Variants in TIMM23 observed in about 807,000 individuals in gnomAD.
TIMM23 encodes the protein translocase of inner mitochondrial membrane 23, also known as mitochondrial import inner membrane translocase subunit Tim23.
In TIMM23, 19 loss-of-function variants were observed where a neutral mutation model predicts 30.7. That is an observed-to-expected ratio of 0.62 (90% confidence interval 0.43 to 0.91). TIMM23 has a LOEUF of 0.91. Ranked by LOEUF, TIMM23 falls within the 40% of genes least tolerant of loss-of-function variation. The probability of loss-of-function intolerance (pLI) is 0.00; values close to 1 mark genes in which losing one functional copy is unlikely to be tolerated. For missense variants in TIMM23, 202 were observed against 269.2 expected (o/e 0.75, Z 1.75); for synonymous variants, 78 against 98.5 (o/e 0.79, Z 1.23).
At chr10:46,000,146 T>G (rs911882958) in intron 6 of TIMM23, among the ~76,000 whole-genome samples, 4 of 152,214 alleles carry the variant, frequency 2.6e-5, no homozygotes, top group African/African-American at 9.6e-5. Flanking sequence ...TGAGACGACA[T>G]ACATCTTCCT....
chr10:45,998,288 AC>A (rs1215843522), intron 6 of TIMM23: 8 of 731,900 alleles, frequency 1.1e-5, no homozygotes, highest in African/African-American at 1.9e-5. Context: ...CCTATATCCC[AC>A]AAACAAGGCA....
intron 2 of TIMM23, among the ~76,000 whole-genome samples, chr10:45,975,953 C>G (rs1590109435): frequency 6.6e-6 from 1 of 152,166 alleles, no homozygotes; most frequent in African/African-American, 2.4e-5. Context: ...AGGCGCCCAC[C>G]ACCACGCCTG....
In TIMM23 at chr10:45,998,436, G is replaced by C. The variant is rs1838413699; in HGVS notation, c.515-4767G>C. On this transcript the variant is annotated intron_variant, in intron 6 of 6. Transcript: ENST00000580018. ...AGTCATATTTGCTTTGCTTTATAGA[G>C]ATTGACCATTGGCCTTATTTGGTTA... The C allele has an allele frequency of 3.1e-6, 3 of 974,586 alleles. No homozygotes were observed. In the East Asian group the frequency reaches 3.4e-4, roughly 111 times the overall value. The allele number at this position is 974,586 out of a possible 1,614,324, so 60.4% of individuals were successfully genotyped here. A position where few individuals can be genotyped will look rare whatever the true frequency, so the allele number is the denominator to read the frequency against.
At position 45,988,854 on chromosome 10, in the gene TIMM23, A is replaced by C. The variant is rs1838073868; in HGVS notation, c.514+7A>C. 1 of 1,610,314 alleles carries C rather than the reference A, an allele frequency of 6.2e-7. No homozygotes were observed. Among genetic ancestry groups the C allele is most frequent in the Non-Finnish European group, 8.5e-7 (1 of 1,176,578 alleles). On this transcript the variant is annotated splice_region_variant and intron_variant, in intron 6 of 6. Coordinates refer to ENST00000580018, the MANE Select transcript of TIMM23 (RefSeq NM_006327.4). Reference sequence around the variant, plus strand: ...ATGTTGTATAAATGTACAGGTGAGTACTGTTGAATGGGGAGCCATCTCTTA... The same window carrying C: ...ATGTTGTATAAATGTACAGGTGAGTCCTGTTGAATGGGGAGCCATCTCTTA...
intron 6 of TIMM23, chr10:45,998,380 C>T (rs1259280802): frequency 2.0e-6 from 2 of 985,140 alleles, no homozygotes; most frequent in African/African-American, 3.5e-5. Flanking sequence ...ACATAAGGAT[C>T]CCAAAATACA....
intron 6 of TIMM23, among the ~76,000 whole-genome samples, chr10:46,002,962 A>G (rs747434444): frequency 3.9e-5 from 6 of 151,986 alleles, no homozygotes; most frequent in Non-Finnish European, 7.4e-5. Flanking sequence ...AGCTGGGACT[A>G]TAAGCACACA....
chr10:46,002,418 C>G (rs1267295772), intron 6 of TIMM23: 1 of 676,746 alleles, frequency 1.5e-6, no homozygotes, highest in East Asian at 1.3e-4. Context: ...TCAAGCCTGC[C>G]TCAGCCTCCC....
intron 6 of TIMM23, among the ~76,000 whole-genome samples, chr10:45,993,300 C>CAATG (rs2132273411): frequency 6.8e-6 from 1 of 146,288 alleles, no homozygotes; most frequent in East Asian, 2.0e-4. Flanking sequence ...GACTGGAGTG[C>CAATG]AATGGCATGA....
In TIMM23 at chr10:45,997,315, T is replaced by C. The variant is rs587772050; in HGVS notation, c.515-5888T>C. ...ACATGGATGAACTCTGAGTACATTA[T>C]GCTAAATAGGCCATCTATAAAAAAA... On this transcript the variant is annotated intron_variant, in intron 6 of 6. Transcript: ENST00000580018. Among the ~76,000 whole-genome samples the C allele has an allele frequency of 6.4e-5, 6 of 93,680 alleles. No homozygotes were observed. The South Asian group carries it at 2.6e-3, about 41-fold the overall frequency. 61.5% of individuals were successfully genotyped at this position (93,680 alleles called of 152,430 possible). A position where few individuals can be genotyped will look rare whatever the true frequency, so the allele number is the denominator to read the frequency against.
At chr10:45,987,122 G>A (rs1448236707) in intron 5 of TIMM23, among the ~76,000 whole-genome samples, 1 of 151,780 alleles carries the variant, frequency 6.6e-6, no homozygotes, top group East Asian at 1.9e-4. Context: ...CTCTTGATGG[G>A]CATTTTATTT....
chr10:45,975,035 ACAGT>A (rs1454146972), intron 1 of TIMM23, among the ~76,000 whole-genome samples: 2 of 152,250 alleles, frequency 1.3e-5, no homozygotes, highest in East Asian at 3.9e-4. Flanking sequence ...CAACATGTAC[ACAGT>A]CAGAAAACCC....
chr10:45,991,283 T>C (rs1413410612), intron 6 of TIMM23, among the ~76,000 whole-genome samples: 1 of 152,148 alleles, frequency 6.6e-6, no homozygotes, highest in Non-Finnish European at 1.5e-5. Context: ...TAAAATTACA[T>C]AGAAAGGCAG....
At chr10:45,992,876 G>A (rs1838207906) in intron 6 of TIMM23, among the ~76,000 whole-genome samples, 1 of 151,940 alleles carries the variant, frequency 6.6e-6, no homozygotes, top group Non-Finnish European at 1.5e-5. Flanking sequence ...CTTTAAAGTG[G>A]CTCTATCTTC....
intron 5 of TIMM23, among the ~76,000 whole-genome samples, chr10:45,986,551 T>G (rs1359637980): frequency 6.6e-6 from 1 of 152,082 alleles, no homozygotes; most frequent in Non-Finnish European, 1.5e-5. Flanking sequence ...AAGATGAGCT[T>G]TCATAGAAGT....
intron 2 of TIMM23, among the ~76,000 whole-genome samples, chr10:45,977,015 A>G (rs1186295358): frequency 4.5e-4 from 68 of 152,122 alleles, no homozygotes; most frequent in Non-Finnish European, 7.9e-4. Context: ...AAAACAGTTG[A>G]TTACCAATAA....
intron 2 of TIMM23, among the ~76,000 whole-genome samples, chr10:45,981,884 C>T (rs1174122483): frequency 6.6e-6 from 1 of 151,952 alleles, no homozygotes; most frequent in African/African-American, 2.4e-5. Flanking sequence ...AAATTGGTAA[C>T]CATATTTTGC....
intron 6 of TIMM23, 113 bp downstream of exon 6, chr10:45,988,960 T>C: frequency 1.3e-6 from 1 of 785,260 alleles, no homozygotes; most frequent in East Asian, 2.5e-5. Flanking sequence ...GTGTTCTAAC[T>C]TTATGGTTAT....
intron 2 of TIMM23, among the ~76,000 whole-genome samples, chr10:45,980,620 C>T (rs1837813207): frequency 6.6e-6 from 1 of 151,114 alleles, no homozygotes; most frequent in South Asian, 2.1e-4. Context: ...TTTTCTTTTC[C>T]CCCAGCAAGT....
At chr10:45,991,439 G>C (rs1838159428) in intron 6 of TIMM23, among the ~76,000 whole-genome samples, 1 of 152,112 alleles carries the variant, frequency 6.6e-6, no homozygotes, top group African/African-American at 2.4e-5. Flanking sequence ...GAGATGGTGA[G>C]GAAAAGGTTG....
Sources: allele counts gnomAD v4.1 joint callset (sites outside exome capture counted in the v4.1 genomes callset), GRCh38; gene constraint gnomAD v4.1.1; transcripts MANE v1.5; gene names NCBI Gene and HGNC (gene_info 2026-07-23, HGNC 2026-07-21).